ZNF804B: variants seen among roughly 807,000 people sequenced by gnomAD.
ZNF804B encodes the protein zinc finger protein 804B.
ZNF804B carries 80 observed loss-of-function variants against 101.4 expected under a neutral mutation model. The ratio of observed to expected loss-of-function variants is 0.79; its 90% CI spans 0.66 to 0.95. The LOEUF is 0.95. ZNF804B is among the 40% of genes least tolerant of loss of function. ZNF804B has a pLI of 0.00. For synonymous variants in ZNF804B, 622 were observed against 558.8 expected, an observed-to-expected ratio of 1.11 and a Z score of -1.59; for missense variants, 1,673 against 1,561.9, an observed-to-expected ratio of 1.07 and a Z score of -1.20.
chr7:89,277,074 AC>A (rs1326521094), intron 2 of ZNF804B, among the ~76,000 whole-genome samples: 2 of 150,016 alleles, frequency 1.3e-5, no homozygotes, highest in African/African-American at 4.9e-5. Flanking sequence ...AATTTAATAG[AC>A]ATTTTCAGTT....
In ZNF804B at chr7:89,032,451, G is replaced by A. The variant is rs1281587368; in HGVS notation, c.109-185704G>A. Among the ~76,000 whole-genome samples, 4 of 152,018 alleles carry A rather than the reference G, an allele frequency of 2.6e-5. No homozygotes were observed. In the East Asian group the frequency reaches 5.8e-4, roughly 22 times the overall value. On this transcript the variant is annotated intron_variant, in intron 1 of 3. Coordinates refer to ENST00000333190, the MANE Select transcript of ZNF804B (RefSeq NM_181646.5). Reference sequence around the variant, plus strand: ...CTAATAAATGAGATATAAGATTAATGAGTCTTTAATTTTATATGAGATAGA... The same window carrying A: ...CTAATAAATGAGATATAAGATTAATAAGTCTTTAATTTTATATGAGATAGA...
intron 1 of ZNF804B, among the ~76,000 whole-genome samples, chr7:88,971,282 A>G (rs552203310): frequency 2.0e-5 from 3 of 151,804 alleles, no homozygotes; most frequent in Admixed American, 6.6e-5. Context: ...TGCATACTAT[A>G]TAAGTCAGCA....
chr7:89,041,611 A>G (rs1434331674), intron 1 of ZNF804B, among the ~76,000 whole-genome samples: 1 of 152,178 alleles, frequency 6.6e-6, no homozygotes, highest in Non-Finnish European at 1.5e-5. Flanking sequence ...GGCCTTGCCT[A>G]ACACTGGGAC....
At chr7:89,036,173 T>A (rs921981204) in intron 1 of ZNF804B, among the ~76,000 whole-genome samples, 5 of 150,888 alleles carry the variant, frequency 3.3e-5, no homozygotes, top group African/African-American at 9.7e-5. Context: ...AGATATATAG[T>A]TCTTAAGCTG....
At chr7:89,261,315 G>C (rs1789709814) in intron 2 of ZNF804B, among the ~76,000 whole-genome samples, 2 of 152,026 alleles carry the variant, frequency 1.3e-5, no homozygotes, top group African/African-American at 4.8e-5. Context: ...AAGCAGACTA[G>C]TATATACATG....
rs561957493 is a variant in ZNF804B at position 88,765,204 on chromosome 7, C to T, written c.108+5120C>T. Among the ~76,000 whole-genome samples the T allele has an allele frequency of 2.0e-5, 3 of 152,208 alleles. No individual in the cohort carries two copies. The South Asian group carries it at 6.2e-4, about 32-fold the overall frequency. On this transcript the variant is annotated intron_variant, in intron 1 of 3. Coordinates refer to ENST00000333190, the MANE Select transcript of ZNF804B (RefSeq NM_181646.5). ...ATTTCATAATTGAAATTAGAGGGCT[C>T]ATATACCTTGATTAGTTTCTTTTAG... is the stretch of plus-strand genomic sequence containing the variant.
chr7:89,126,652 T>G (rs988965077), intron 1 of ZNF804B, among the ~76,000 whole-genome samples: 5 of 151,964 alleles, frequency 3.3e-5, no homozygotes, highest in African/African-American at 1.2e-4. Context: ...GGTATTTGTG[T>G]GTGTGTGTGT....
chr7:88,916,468 T>A (rs771501911), intron 1 of ZNF804B, among the ~76,000 whole-genome samples: 8 of 152,160 alleles, frequency 5.3e-5, no homozygotes, highest in Non-Finnish European at 1.0e-4. Flanking sequence ...TCTATTGTAT[T>A]GCTAGTGAAC....
intron 1 of ZNF804B, among the ~76,000 whole-genome samples, chr7:88,882,754 G>A (rs2115910798): frequency 6.6e-6 from 1 of 152,098 alleles, no homozygotes; most frequent in East Asian, 1.9e-4. Flanking sequence ...ATGCAGGAAT[G>A]GAAAAACAAA....
chr7:89,214,708 C>G (rs1313404542), intron 1 of ZNF804B, among the ~76,000 whole-genome samples: 1 of 152,158 alleles, frequency 6.6e-6, no homozygotes, highest in African/African-American at 2.4e-5. Context: ...GATTATCACT[C>G]TATCACAACT....
chr7:89,059,129 G>A (rs536146881), intron 1 of ZNF804B, among the ~76,000 whole-genome samples: 3 of 152,160 alleles, frequency 2.0e-5, no homozygotes, highest in Non-Finnish European at 2.9e-5. Context: ...TATAAATATC[G>A]AAATCCTGAA....
chr7:89,296,051 G>A (rs1393149085), intron 2 of ZNF804B, among the ~76,000 whole-genome samples: 1 of 152,060 alleles, frequency 6.6e-6, no homozygotes, highest in East Asian at 1.9e-4. Flanking sequence ...GATACAATGT[G>A]CACTACTTGG....
chr7:88,879,295 A>C (rs1791997875), intron 1 of ZNF804B, among the ~76,000 whole-genome samples: 1 of 152,180 alleles, frequency 6.6e-6, no homozygotes, highest in South Asian at 2.1e-4. Flanking sequence ...TATTGCCACC[A>C]AAGGGGGTAA....
rs545456052 is a variant in ZNF804B at position 89,243,929 on chromosome 7, T to C, written c.249+25634T>C. On this transcript the variant is annotated intron_variant, in intron 2 of 3. Coordinates refer to ENST00000333190, the MANE Select transcript of ZNF804B (RefSeq NM_181646.5). The stretch of plus-strand genomic sequence containing the variant: ...TCAGAGCAGCTTTTATATTTCCAAA[T>C]ACATAAGATGTAAATTGGAAAGTGT... Among the ~76,000 whole-genome samples, 3 of 152,078 alleles carry C rather than the reference T, an allele frequency of 2.0e-5. 1 individual carries two copies. The highest frequency in any genetic ancestry group is 7.2e-5 in the African/African-American group (3 of 41,564).
intron 1 of ZNF804B, among the ~76,000 whole-genome samples, chr7:89,196,312 G>A (rs771276672): frequency 7.3e-5 from 11 of 151,438 alleles, no homozygotes; most frequent in African/African-American, 2.4e-4. Context: ...TAGAGAATTC[G>A]GAAATAAGAC....
chr7:89,122,057 T>G (rs1310812806), intron 1 of ZNF804B, among the ~76,000 whole-genome samples: 1 of 151,490 alleles, frequency 6.6e-6, no homozygotes, highest in Non-Finnish European at 1.5e-5. Flanking sequence ...ATATGTTAAA[T>G]TATGTGTAAA....
chr7:88,936,002 A>G (rs557497694), intron 1 of ZNF804B, among the ~76,000 whole-genome samples: 32 of 109,600 alleles, frequency 2.9e-4, no homozygotes, highest in African/African-American at 1.1e-3. Flanking sequence ...CCCTTCCTCC[A>G]TTTCTTTTTT....
At chr7:88,988,580 C>T (rs1457781427) in intron 1 of ZNF804B, among the ~76,000 whole-genome samples, 2 of 152,062 alleles carry the variant, frequency 1.3e-5, no homozygotes, top group Non-Finnish European at 1.5e-5. Flanking sequence ...TCTGCAACTG[C>T]TCTTTTGAGA....
intron 1 of ZNF804B, among the ~76,000 whole-genome samples, chr7:88,925,935 A>G (rs1156617246): frequency 1.3e-5 from 2 of 152,152 alleles, no homozygotes; most frequent in Admixed American, 1.3e-4. Flanking sequence ...CTTCCTATGC[A>G]GGAGAATAAA....
Sources: gnomAD v4.1 joint callset for allele counts (sites outside exome capture counted in the v4.1 genomes callset) on GRCh38, gnomAD v4.1.1 for gene constraint, MANE v1.5 for transcripts, NCBI Gene and HGNC (gene_info 2026-07-23, HGNC 2026-07-21) for gene names.